The following KCNIP4 variants were observed in gnomAD, a reference collection of about 807,000 sequenced individuals.
KCNIP4 encodes the protein potassium voltage-gated channel interacting protein 4, also known as Kv channel-interacting protein 4.
KCNIP4 carries 12 observed loss-of-function variants against 34.0 expected under a neutral mutation model. The observed-to-expected ratio is 0.35, with a 90% CI of 0.23 to 0.57. KCNIP4 has a LOEUF of 0.57. Ranked by LOEUF, KCNIP4 falls within the 20% of genes least tolerant of loss-of-function variation. The pLI is 0.83. For missense variants in KCNIP4, 238 were observed against 311.7 expected (o/e 0.76, Z 1.78); for synonymous variants, 124 against 102.2 (o/e 1.21, Z -1.29).
At chr4:20,890,826 T>TAAA (rs1231585489) in intron 1 of KCNIP4, among the ~76,000 whole-genome samples, 1 of 152,242 alleles carries the variant, frequency 6.6e-6, no homozygotes, top group Non-Finnish European at 1.5e-5. Flanking sequence ...TTTTATCTTA[T>TAAA]AATGCCTGAC....
At chr4:21,354,785 G>A (rs1269576594) in intron 1 of KCNIP4, among the ~76,000 whole-genome samples, 2 of 152,270 alleles carry the variant, frequency 1.3e-5, no homozygotes, top group Middle Eastern at 3.4e-3. Context: ...ACTCAGCTCT[G>A]CACCAAGTGG....
chr4:20,729,777 A>C lies in KCNIP4; in HGVS notation c.*305T>G, dbSNP rs895954577. The C allele has an allele frequency of 2.3e-5, 6 of 263,346 alleles. No individual in the cohort carries two copies. The highest frequency in any genetic ancestry group is 1.1e-3 in the Middle Eastern group (1 of 898). 16.3% of individuals were successfully genotyped at this position (263,346 alleles called of 1,614,324 possible). A position where few individuals can be genotyped will look rare whatever the true frequency, so the allele number is the denominator to read the frequency against. On this transcript the variant is annotated 3_prime_UTR_variant, in exon 9 of 9. Transcript: ENST00000382152. ...TATTTTAAAATCACTGATATGTGAAAGCCTCAATAATCCCATGGCTAAGGA... is the reference window on the plus strand; with the variant it reads ...TATTTTAAAATCACTGATATGTGAACGCCTCAATAATCCCATGGCTAAGGA...
intron 1 of KCNIP4, among the ~76,000 whole-genome samples, chr4:20,902,459 C>G (rs751702048): frequency 1.3e-5 from 2 of 152,138 alleles, no homozygotes; most frequent in African/African-American, 4.8e-5. Context: ...TACCAGCCAG[C>G]AAGGTATTAG....
At chr4:21,837,378 A>G (rs1723396814) in intron 1 of KCNIP4, among the ~76,000 whole-genome samples, 1 of 150,346 alleles carries the variant, frequency 6.7e-6, no homozygotes, top group East Asian at 2.0e-4. Context: ...TACTAAAAAT[A>G]CAAAAATTTA....
chr4:20,983,205 G>A (rs908388609), intron 1 of KCNIP4, among the ~76,000 whole-genome samples: 1 of 152,148 alleles, frequency 6.6e-6, no homozygotes, highest in Non-Finnish European at 1.5e-5. Flanking sequence ...CAACAGTCCT[G>A]TCTCGTGTGT....
intron 1 of KCNIP4, among the ~76,000 whole-genome samples, chr4:21,422,572 A>G (rs1189231649): frequency 6.6e-6 from 1 of 151,998 alleles, no homozygotes. Flanking sequence ...CTCATAAAGC[A>G]ATCTTGGGGG....
At chr4:21,580,856 C>A (rs556955564) in intron 1 of KCNIP4, among the ~76,000 whole-genome samples, 2 of 151,934 alleles carry the variant, frequency 1.3e-5, no homozygotes, top group African/African-American at 4.8e-5. Context: ...AGTATTGCAA[C>A]GAAGAATGGA....
chr4:20,864,145 TC>T (rs1317521292), intron 2 of KCNIP4, among the ~76,000 whole-genome samples: 1 of 149,962 alleles, frequency 6.7e-6, no homozygotes, highest in Non-Finnish European at 1.5e-5. Context: ...TGTATACATA[TC>T]CATGTATGCA....
intron 1 of KCNIP4, among the ~76,000 whole-genome samples, chr4:21,709,111 T>G (rs1713512794): frequency 6.6e-6 from 1 of 152,174 alleles, no homozygotes; most frequent in South Asian, 2.1e-4. Context: ...TGTCTCATTC[T>G]GTTGTGAGGT....
At chr4:21,066,749 C>A (rs1577629365) in intron 1 of KCNIP4, among the ~76,000 whole-genome samples, 1 of 152,304 alleles carries the variant, frequency 6.6e-6, no homozygotes, top group East Asian at 1.9e-4. Flanking sequence ...ACATGAGTTT[C>A]AGCAAGCCCT....
At chr4:20,982,912 G>T (rs1248123012) in intron 1 of KCNIP4, among the ~76,000 whole-genome samples, 1 of 152,192 alleles carries the variant, frequency 6.6e-6, no homozygotes, top group Admixed American at 6.5e-5. Flanking sequence ...AGAAATATTA[G>T]CAAGTATCTC....
intron 1 of KCNIP4, chr4:21,850,905 G>A (rs1390556477): frequency 6.6e-6 from 1 of 151,996 alleles, no homozygotes; most frequent in Non-Finnish European, 1.5e-5. Context: ...AAAACTGATT[G>A]TTAGGCATGC....
intron 8 of KCNIP4, chr4:20,731,356 G>C: frequency 5.1e-6 from 5 of 973,244 alleles, no homozygotes; most frequent in Non-Finnish European, 6.1e-6. Flanking sequence ...TTACAGTTGT[G>C]AGCTACTGTA....
In KCNIP4 at chr4:21,914,104, C is replaced by CT. The variant is rs143216690; in HGVS notation, c.61+34466dup. Among the ~76,000 whole-genome samples, 1,190 of 152,164 alleles carry CT rather than the reference C, an allele frequency of 7.8e-3. 10 individuals carry two copies. Among genetic ancestry groups the CT allele is most frequent in the South Asian group, 0.014 (67 of 4,822 alleles). On this transcript the variant is annotated intron_variant, in intron 1 of 8. Transcript: ENST00000382152. ...GAGAATTTGGCCCTTCATCCAAGAG[C>CT]TATGGAAAGGGCTTCAAGCAGGTGA...
At chr4:21,592,839 T>A (rs1742322638) in intron 1 of KCNIP4, among the ~76,000 whole-genome samples, 1 of 152,088 alleles carries the variant, frequency 6.6e-6, no homozygotes, top group African/African-American at 2.4e-5. Context: ...AAATATTTTT[T>A]TTGGTGTTTG....
intron 1 of KCNIP4, among the ~76,000 whole-genome samples, chr4:21,025,484 G>T (rs1298643149): frequency 3.0e-5 from 2 of 67,590 alleles, no homozygotes; most frequent in Non-Finnish European, 5.8e-5. Flanking sequence ...GAGAGAGAGA[G>T]AGAGAGAGAG....
intron 1 of KCNIP4, among the ~76,000 whole-genome samples, chr4:21,027,607 A>T (rs1740666264): frequency 6.7e-6 from 1 of 149,838 alleles, no homozygotes; most frequent in African/African-American, 2.4e-5. Flanking sequence ...ACAAAATATG[A>T]AAAGATATGT....
intron 3 of KCNIP4, among the ~76,000 whole-genome samples, chr4:20,828,445 A>T (rs1718035578): frequency 6.6e-6 from 1 of 152,292 alleles, no homozygotes; most frequent in Middle Eastern, 3.4e-3. Flanking sequence ...AACAAACAAA[A>T]GCTACGGGAA....
chr4:21,066,654 A>T (rs550287450), intron 1 of KCNIP4, among the ~76,000 whole-genome samples: 2 of 152,274 alleles, frequency 1.3e-5, no homozygotes, highest in East Asian at 3.9e-4. Flanking sequence ...AAAAAGTAAC[A>T]TGGGGTGGAA....
Sources: allele counts gnomAD v4.1 joint callset (sites outside exome capture counted in the v4.1 genomes callset), GRCh38; gene constraint gnomAD v4.1.1; transcripts MANE v1.5; gene names NCBI Gene and HGNC (gene_info 2026-07-23, HGNC 2026-07-21).